Variants in ADGRL3 observed in about 807,000 individuals in gnomAD.
The protein encoded by ADGRL3 is adhesion G protein-coupled receptor L3.
In ADGRL3, 62 loss-of-function variants were observed where a neutral mutation model predicts 153.5. The observed-to-expected ratio is 0.40, with a 90% confidence interval of 0.33 to 0.50. ADGRL3 has a LOEUF of 0.50. ADGRL3 is among the 20% of genes least tolerant of loss of function. ADGRL3 has a pLI of 0.47. For synonymous variants in ADGRL3, 710 were observed against 672.5 expected, an observed-to-expected ratio of 1.06 and a Z score of -0.86; for missense variants, 1,641 against 1,859.4, an observed-to-expected ratio of 0.88 and a Z score of 2.16.
At chr4:61,369,945 G>A (rs2151683581) in intron 1 of ADGRL3, among the ~76,000 whole-genome samples, 1 of 151,956 alleles carries the variant, frequency 6.6e-6, no homozygotes, top group East Asian at 1.9e-4. Flanking sequence ...ACTTCTTCCT[G>A]GTTTAGTCTT....
At chr4:61,529,550 A>G (rs936909552) in intron 4 of ADGRL3, among the ~76,000 whole-genome samples, 2 of 152,152 alleles carry the variant, frequency 1.3e-5, no homozygotes, top group African/African-American at 4.8e-5. Context: ...TTACAAAACT[A>G]TGTAAATTGA....
intron 9 of ADGRL3, among the ~76,000 whole-genome samples, chr4:61,823,875 C>G (rs1277855720): frequency 6.6e-6 from 1 of 152,056 alleles, no homozygotes. Context: ...TCCTGGCTAA[C>G]ATGGTGAAAC....
chr4:61,970,255 A>G (rs28602701), intron 17 of ADGRL3, among the ~76,000 whole-genome samples: 3,266 of 152,262 alleles, frequency 0.021, 132 homozygotes, highest in African/African-American at 0.075. Context: ...TATTACTGCT[A>G]TCATCATTAG....
At chr4:61,917,096 G>GA (rs2098748518) in intron 13 of ADGRL3, among the ~76,000 whole-genome samples, 12 of 152,036 alleles carry the variant, frequency 7.9e-5, no homozygotes. Flanking sequence ...CTTAACAGAT[G>GA]AAAAAATGGA....
chr4:61,686,699 A>G (rs767004654), intron 6 of ADGRL3, among the ~76,000 whole-genome samples: 15 of 152,066 alleles, frequency 9.9e-5, no homozygotes, highest in African/African-American at 1.4e-4. Context: ...ATTGTCAACT[A>G]TAGTCACCGT....
At chr4:62,051,391 A>C (rs191035716) in intron 25 of ADGRL3, among the ~76,000 whole-genome samples, 1 of 151,702 alleles carries the variant, frequency 6.6e-6, no homozygotes, top group Admixed American at 6.6e-5. Flanking sequence ...AGGAAGCCAA[A>C]TAATTTTCAG....
chr4:61,635,212 A>G (rs2093363314), intron 5 of ADGRL3, among the ~76,000 whole-genome samples: 1 of 152,030 alleles, frequency 6.6e-6, no homozygotes, highest in African/African-American at 2.4e-5. Flanking sequence ...TAAGCTGGGG[A>G]AGGAGGGGAG....
chr4:61,630,555 C>G (rs2093098965), intron 5 of ADGRL3, among the ~76,000 whole-genome samples: 1 of 152,162 alleles, frequency 6.6e-6, no homozygotes, highest in Non-Finnish European at 1.5e-5. Context: ...CTTTGTAACT[C>G]TCTCTTTTTT....
chr4:61,561,660 T>C (rs2098795628), intron 4 of ADGRL3, among the ~76,000 whole-genome samples: 1 of 152,176 alleles, frequency 6.6e-6, no homozygotes, highest in Non-Finnish European at 1.5e-5. Context: ...TCTGCACATG[T>C]TTCTATTAGG....
intron 25 of ADGRL3, among the ~76,000 whole-genome samples, chr4:62,046,112 T>G (rs1307007095): frequency 2.6e-5 from 4 of 151,848 alleles, no homozygotes; most frequent in African/African-American, 7.2e-5. Flanking sequence ...ATAAGAAAAT[T>G]TACTGCATGT....
intron 1 of ADGRL3, among the ~76,000 whole-genome samples, chr4:61,322,872 T>C (rs888041076): frequency 6.6e-6 from 1 of 152,114 alleles, no homozygotes; most frequent in Non-Finnish European, 1.5e-5. Flanking sequence ...TTCTCACAGC[T>C]CCACTAGGTG....
At chr4:61,227,637 A>G (rs1748587393) in intron 1 of ADGRL3, among the ~76,000 whole-genome samples, 1 of 152,212 alleles carries the variant, frequency 6.6e-6, no homozygotes, top group African/African-American at 2.4e-5. Context: ...ATAACCATGA[A>G]ATATAATGTT....
At chr4:61,869,936 TAAAAAAAAAAAAAAAAAAAAA>T (rs1190618911) in intron 9 of ADGRL3, among the ~76,000 whole-genome samples, 1 of 10,508 alleles carries the variant, frequency 9.5e-5, no homozygotes, top group South Asian at 5.6e-3. Flanking sequence ...AAAACTTTGT[TAAAAAAAAAAAAAAAAAAAAA>T]AAAAGAGAGA....
At position 61,924,417 on chromosome 4, in the gene ADGRL3, C is replaced by T. The variant is rs868477484; in HGVS notation, c.2113-10423C>T. Among the ~76,000 whole-genome samples, 8 of 152,234 alleles carry T rather than the reference C, an allele frequency of 5.3e-5. No homozygotes were observed. In the South Asian group the frequency reaches 1.0e-3, roughly 20 times the overall value. Reference sequence around the variant, plus strand: ...TTAAATACCACCTATATGTCTATGACCTACAAATATTATCAATGGCACAAA... The same window carrying T: ...TTAAATACCACCTATATGTCTATGATCTACAAATATTATCAATGGCACAAA... On this transcript the variant is annotated intron_variant, in intron 13 of 26. Coordinates refer to ENST00000683033, the MANE Select transcript of ADGRL3 (RefSeq NM_001387552.1).
intron 13 of ADGRL3, among the ~76,000 whole-genome samples, chr4:61,916,121 G>A (rs545852733): frequency 1.3e-4 from 20 of 152,174 alleles, no homozygotes; most frequent in African/African-American, 4.8e-4. Flanking sequence ...ACTATCAGTT[G>A]TCAACTATGA....
At chr4:61,486,710 C>T (rs1416007281) in intron 2 of ADGRL3, among the ~76,000 whole-genome samples, 1 of 152,148 alleles carries the variant, frequency 6.6e-6, no homozygotes, top group African/African-American at 2.4e-5. Context: ...TGAAATCATA[C>T]TGATATATTT....
rs572093465 is a variant in ADGRL3, at chr4:61,402,412, A to G, written c.-174+19223A>G. On this transcript the variant is annotated intron_variant, in intron 2 of 26. Coordinates refer to ENST00000683033, the MANE Select transcript of ADGRL3 (RefSeq NM_001387552.1). ...TTTTGAAATTATAATGCTGTCATCT[A>G]CATGGATTTGGTAGGTTCAATAAGT... Among the ~76,000 whole-genome samples, 26 of 152,252 alleles carry G rather than the reference A, an allele frequency of 1.7e-4. No homozygotes were observed. In the South Asian group the frequency reaches 5.0e-3, roughly 29 times the overall value.
intron 9 of ADGRL3, among the ~76,000 whole-genome samples, chr4:61,871,001 G>A (rs555187545): frequency 1.3e-3 from 198 of 152,272 alleles, no homozygotes; most frequent in South Asian, 5.6e-3. Context: ...TACGGGGGCC[G>A]GGCACGGTGG....
chr4:61,223,617 C>T (rs147009842), intron 1 of ADGRL3, among the ~76,000 whole-genome samples: 76 of 152,284 alleles, frequency 5.0e-4, no homozygotes, highest in Non-Finnish European at 8.8e-4. Flanking sequence ...TATGGGGTAA[C>T]AACCTATATT....
Sources: allele counts gnomAD v4.1 joint callset (sites outside exome capture counted in the v4.1 genomes callset), GRCh38; gene constraint gnomAD v4.1.1; transcripts MANE v1.5; gene names NCBI Gene and HGNC (gene_info 2026-07-23, HGNC 2026-07-21).